MARCHF1: variants seen among roughly 807,000 people sequenced by gnomAD.
MARCHF1 encodes E3 ubiquitin-protein ligase MARCHF1.
Under a neutral mutation model 54.2 loss-of-function variants are expected in MARCHF1, and 40 were observed. The observed-to-expected ratio is 0.74, with a 90% CI of 0.57 to 0.96. MARCHF1 has a LOEUF of 0.96. MARCHF1 is among the 40% of genes least tolerant of loss of function. The pLI, the probability that MARCHF1 is intolerant of heterozygous loss-of-function variation, is 0.00. For synonymous variants in MARCHF1, 236 were observed against 236.3 expected, an observed-to-expected ratio of 1.00 and a Z score of 0.01; for missense variants, 586 against 656.5, an observed-to-expected ratio of 0.89 and a Z score of 1.17.
intron 3 of MARCHF1, among the ~76,000 whole-genome samples, chr4:163,861,617 G>C (rs1433456774): frequency 6.6e-6 from 1 of 151,980 alleles, no homozygotes; most frequent in Non-Finnish European, 1.5e-5. Context: ...GTTCATGGAT[G>C]GGAAGACTCA....
intron 8 of MARCHF1, among the ~76,000 whole-genome samples, chr4:163,552,721 C>T (rs1739146958): frequency 6.6e-6 from 1 of 152,104 alleles, no homozygotes; most frequent in South Asian, 2.1e-4. Context: ...TGTCTGTGAT[C>T]CAACAAGTGT....
At chr4:163,662,847 G>A (rs183300327) in intron 5 of MARCHF1, among the ~76,000 whole-genome samples, 54 of 152,044 alleles carry the variant, frequency 3.6e-4, no homozygotes, top group Admixed American at 5.2e-4. Flanking sequence ...CGCTAAGGCC[G>A]GCATTCCGAG....
chr4:163,903,650 G>A (rs982654086), intron 3 of MARCHF1, among the ~76,000 whole-genome samples: 13 of 148,988 alleles, frequency 8.7e-5, no homozygotes, highest in East Asian at 3.9e-4. Flanking sequence ...CACCCGTGTC[G>A]CCCAGACTGG....
chr4:163,813,753 A>C (rs1283744143), intron 4 of MARCHF1, among the ~76,000 whole-genome samples: 1 of 152,064 alleles, frequency 6.6e-6, no homozygotes, highest in Non-Finnish European at 1.5e-5. Context: ...TTCTAGCATG[A>C]CTCTAAAATT....
chr4:163,853,386 C>A (rs553427649), intron 4 of MARCHF1, among the ~76,000 whole-genome samples: 5 of 152,182 alleles, frequency 3.3e-5, no homozygotes, highest in African/African-American at 1.2e-4. Flanking sequence ...AATGTTACAG[C>A]CAAATCGAAA....
chr4:163,890,219 C>A (rs1382019199), intron 3 of MARCHF1, among the ~76,000 whole-genome samples: 2 of 151,994 alleles, frequency 1.3e-5, no homozygotes, highest in South Asian at 2.1e-4. Flanking sequence ...CAGGCGTGAG[C>A]CACCACGCCC....
intron 2 of MARCHF1, among the ~76,000 whole-genome samples, chr4:164,094,294 T>G (rs1755363930): frequency 6.6e-6 from 1 of 152,134 alleles, no homozygotes; most frequent in African/African-American, 2.4e-5. Context: ...GGGCCCAGGT[T>G]AGTGAAGGGA....
intron 5 of MARCHF1, among the ~76,000 whole-genome samples, chr4:163,647,008 A>G (rs146091152): frequency 2.0e-5 from 3 of 152,232 alleles, no homozygotes; most frequent in Admixed American, 6.5e-5. Context: ...TGTGCTGCCT[A>G]CAAGAGACTC....
intron 2 of MARCHF1, among the ~76,000 whole-genome samples, chr4:164,101,580 C>G (rs1241730252): frequency 7.7e-6 from 1 of 130,018 alleles, no homozygotes; most frequent in African/African-American, 2.8e-5. Context: ...AACTAACAAA[C>G]AGAAAGGACA....
Position 164,361,101 on chromosome 4 carries a change from A to G in MARCHF1, c.-323+22769T>C, listed in dbSNP as rs115708964. Among the ~76,000 whole-genome samples the G allele has an allele frequency of 8.6e-3, 1,307 of 151,924 alleles. 18 individuals carry two copies. Among genetic ancestry groups the G allele is most frequent in the African/African-American group, 0.03 (1,234 of 41,466 alleles). On this transcript the variant is annotated intron_variant, in intron 1 of 9. Transcript: ENST00000514618. ...CTGGTCTTGATGATAGTTCATCCACATAAAGGACTGGTGAAACACTTGGCT... is the reference window on the plus strand; with the variant it reads ...CTGGTCTTGATGATAGTTCATCCACGTAAAGGACTGGTGAAACACTTGGCT...
chr4:163,678,326 C>G (rs1743985061), intron 5 of MARCHF1, among the ~76,000 whole-genome samples: 1 of 152,204 alleles, frequency 6.6e-6, no homozygotes, highest in South Asian at 2.1e-4. Flanking sequence ...TTAAATAACA[C>G]AGAATCTGTT....
At chr4:163,934,018 T>C (rs564529874) in intron 3 of MARCHF1, among the ~76,000 whole-genome samples, 1 of 152,320 alleles carries the variant, frequency 6.6e-6, no homozygotes, top group South Asian at 2.1e-4. Flanking sequence ...AAAGTATATG[T>C]CATTTCTTAA....
intron 1 of MARCHF1, among the ~76,000 whole-genome samples, chr4:164,229,357 T>G (rs1454972190): frequency 6.6e-6 from 1 of 152,170 alleles, no homozygotes; most frequent in Non-Finnish European, 1.5e-5. Context: ...GAAAGTTAAC[T>G]GCCCTCTCAT....
At chr4:163,834,795 G>A (rs1749133284) in intron 4 of MARCHF1, among the ~76,000 whole-genome samples, 1 of 151,548 alleles carries the variant, frequency 6.6e-6, no homozygotes, top group Non-Finnish European at 1.5e-5. Context: ...ATTATACCAG[G>A]GCCTTTTAGG....
rs566712654 is a variant in MARCHF1 at position 163,924,937 on chromosome 4, C to A, written c.-39+63564G>T. ...TGAACCAATTTATCTTTGATCCAGC[C>A]CTATGCATACAGGAATAAAATAACA... On this transcript the variant is annotated intron_variant, in intron 3 of 9. Coordinates refer to ENST00000514618, the MANE Select transcript of MARCHF1 (RefSeq NM_001394959.1). 1.2e-3 allele frequency among the ~76,000 whole-genome samples: 185 copies of A among 151,676 alleles called. 4 individuals are homozygous for A. Among genetic ancestry groups the A allele is most frequent in the South Asian group, 4.2e-4 (2 of 4,800 alleles).
At chr4:163,983,301 C>A (rs1427633436) in intron 3 of MARCHF1, among the ~76,000 whole-genome samples, 1 of 152,104 alleles carries the variant, frequency 6.6e-6, no homozygotes, top group African/African-American at 2.4e-5. Context: ...GCTGAGTTAT[C>A]TACTCAAGAT....
At chr4:164,013,707 A>G (rs534147943) in intron 2 of MARCHF1, among the ~76,000 whole-genome samples, 1 of 151,322 alleles carries the variant, frequency 6.6e-6, no homozygotes, top group South Asian at 2.1e-4. Context: ...GCAGGTCACA[A>G]GGAAGTGAGA....
At chr4:163,798,060 C>T (rs1253486211) in intron 4 of MARCHF1, among the ~76,000 whole-genome samples, 1 of 152,168 alleles carries the variant, frequency 6.6e-6, no homozygotes, top group Non-Finnish European at 1.5e-5. Context: ...ACTGTGTCTT[C>T]CTCACATTCA....
chr4:163,874,526 A>T (rs1750248659), intron 3 of MARCHF1, among the ~76,000 whole-genome samples: 1 of 152,142 alleles, frequency 6.6e-6, no homozygotes, highest in African/African-American at 2.4e-5. Context: ...GTCTACTTAG[A>T]TAGCCTGCTA....
Sources: gnomAD v4.1 joint callset for allele counts (sites outside exome capture counted in the v4.1 genomes callset) on GRCh38, gnomAD v4.1.1 for gene constraint, MANE v1.5 for transcripts, NCBI Gene and HGNC (gene_info 2026-07-23, HGNC 2026-07-21) for gene names.